The following PARP11 variants were observed in gnomAD, a reference collection of about 807,000 sequenced individuals.
The protein encoded by PARP11 is poly(ADP-ribose) polymerase family member 11.
PARP11 carries 31 observed loss-of-function variants against 42.9 expected under a neutral mutation model. The observed-to-expected ratio is 0.72, with a 90% confidence interval of 0.54 to 0.98. PARP11 has a LOEUF of 0.98. PARP11 is among the 50% of genes least tolerant of loss of function. The probability of loss-of-function intolerance (pLI) is 0.00; values close to 1 mark genes in which losing one functional copy is unlikely to be tolerated. For missense variants in PARP11, 365 were observed against 413.1 expected (o/e 0.88, Z 1.01); for synonymous variants, 137 against 127.3 (o/e 1.08, Z -0.51).
At chr12:3,863,222 C>T (rs1191745277) in intron 1 of PARP11, among the ~76,000 whole-genome samples, 1 of 152,202 alleles carries the variant, frequency 6.6e-6, no homozygotes, top group East Asian at 1.9e-4. Flanking sequence ...CCATATCTAG[C>T]AACCTTATGA....
rs556970064 is a variant in PARP11, at chr12:3,832,052, T to C, written c.19-2034A>G. 4.5e-5 allele frequency: 25 copies of C among 556,614 alleles called. 1 individual carries two copies. In the South Asian group the frequency reaches 1.7e-3, roughly 38 times the overall value. The allele number at this position is 556,614 out of a possible 1,614,324, so 34.5% of individuals were successfully genotyped here. A position where few individuals can be genotyped will look rare whatever the true frequency, so the allele number is the denominator to read the frequency against. Reference sequence around the variant, plus strand: ...CTCTATTAGAAAAGAGAATAGAAAATAGGAAAGTTCCCTTTATACAGCATA... The same window carrying C: ...CTCTATTAGAAAAGAGAATAGAAAACAGGAAAGTTCCCTTTATACAGCATA... On this transcript the variant is annotated intron_variant, in intron 1 of 7. Transcript: ENST00000228820.
chr12:3,823,071 C>A (rs1177873401), intron 4 of PARP11, among the ~76,000 whole-genome samples: 1 of 152,140 alleles, frequency 6.6e-6, no homozygotes, highest in Non-Finnish European at 1.5e-5. Flanking sequence ...GATTTAATAG[C>A]AAAAGGCTGA....
intron 1 of PARP11, among the ~76,000 whole-genome samples, chr12:3,850,861 T>C (rs1210575708): frequency 6.6e-6 from 1 of 152,196 alleles, no homozygotes; most frequent in Non-Finnish European, 1.5e-5. Flanking sequence ...ACTATATATA[T>C]GATCTGAAGA....
chr12:3,812,132 G>A lies in PARP11; in HGVS notation c.1008C>T (p.Asp336=). 6.3e-7 allele frequency: 1 copy of A among 1,591,798 alleles called. No individual in the cohort carries two copies. Among genetic ancestry groups the A allele is most frequent in the Non-Finnish European group, 8.6e-7 (1 of 1,168,946 alleles). ...ANQIYPEYLI[D]FH ...AGATTTGGAAGTGAAATCAATGAAA[G>A]TCTATCAAGTACTCAGGATAGATTT... The change falls in exon 8 of 8, where the codon GAC becomes GAT. Residue 336 remains aspartate (D), a synonymous_variant. Transcript: ENST00000228820.
At chr12:3,836,093 A>G (rs374572150) in intron 1 of PARP11, among the ~76,000 whole-genome samples, 1 of 152,026 alleles carries the variant, frequency 6.6e-6, no homozygotes, top group East Asian at 1.9e-4. Flanking sequence ...ATATAAATCT[A>G]CACATCCAAG....
chr12:3,858,918 C>T (rs910720062), intron 1 of PARP11, among the ~76,000 whole-genome samples: 2 of 151,284 alleles, frequency 1.3e-5, no homozygotes, highest in Non-Finnish European at 2.9e-5. Flanking sequence ...GGTGAAACTC[C>T]ATCTCTATTT....
rs1181966420 is a variant in PARP11, at chr12:3,812,210, G to A, written c.930C>T (p.Ser310=). 6.2e-7 allele frequency: 1 copy of A among 1,614,078 alleles called. No individual in the cohort carries two copies. The highest frequency in any genetic ancestry group is 8.5e-7 in the Non-Finnish European group (1 of 1,179,978). The change falls in exon 8 of 8, where the codon AGC becomes AGT. Residue 310 remains serine (S), a synonymous_variant. Coordinates refer to ENST00000228820, the MANE Select transcript of PARP11 (RefSeq NM_020367.6). ...KDGSYVNLYD[S]CVDDTWNPKI... ...TTGGGTTCCAGGTATCATCCACACA[G>A]CTGTCATATAAATTCACATAGCTCC...
At chr12:3,816,474 C>G (rs903647721) in intron 6 of PARP11, among the ~76,000 whole-genome samples, 1 of 152,228 alleles carries the variant, frequency 6.6e-6, no homozygotes, top group Non-Finnish European at 1.5e-5. Context: ...GCACATATTT[C>G]TCCATCTTGT....
At chr12:3,819,689 C>G (rs990296369) in intron 6 of PARP11, among the ~76,000 whole-genome samples, 2 of 152,212 alleles carry the variant, frequency 1.3e-5, no homozygotes, top group African/African-American at 4.8e-5. Flanking sequence ...AGGAAAAAAT[C>G]CAAACCTCTT....
chr12:3,827,960 A>C (rs1047963037), intron 3 of PARP11, among the ~76,000 whole-genome samples: 3 of 152,252 alleles, frequency 2.0e-5, no homozygotes, highest in African/African-American at 7.2e-5. Context: ...AGCAATAAAT[A>C]GCTGAAACTA....
At chr12:3,822,188 C>A in intron 4 of PARP11, 31 bp from the exon 5 acceptor site, 1 of 1,545,642 alleles carries the variant, frequency 6.5e-7, no homozygotes, top group Non-Finnish European at 8.9e-7. Flanking sequence ...AACAAAATAT[C>A]AGAAGCCGAT....
At chr12:3,815,164 A>T (rs1947261247) in intron 6 of PARP11, 1 of 430,404 alleles carries the variant, frequency 2.3e-6, no homozygotes, top group Non-Finnish European at 4.7e-6. Context: ...AACATTTCAT[A>T]AAAATCATAT....
chr12:3,841,698 T>G (rs1006702930), intron 1 of PARP11: 3 of 1,613,412 alleles, frequency 1.9e-6, no homozygotes, highest in Non-Finnish European at 2.5e-6. Flanking sequence ...AGCCATCTTT[T>G]GGACCCAATC....
chr12:3,814,375 C>A (rs1947243685), intron 6 of PARP11, among the ~76,000 whole-genome samples, 187 bp from the exon 7 acceptor site: 1 of 152,156 alleles, frequency 6.6e-6, no homozygotes, highest in African/African-American at 2.4e-5. Flanking sequence ...TAAATCATCT[C>A]ATCAAAAATT....
chr12:3,814,122 A>C lies in PARP11; in HGVS notation c.615T>G (p.Gly205=), dbSNP rs748576855. 6.2e-7 allele frequency: 1 copy of C among 1,609,070 alleles called. No homozygotes were observed. The highest frequency in any genetic ancestry group is 1.7e-5 in the Admixed American group (1 of 59,702). Reference sequence around the variant, plus strand: ...TTGCTTCCACAAATTCACTGCTGGTACCATGAAACAGCATTTGTTCATTAA... The same window carrying C: ...TTGCTTCCACAAATTCACTGCTGGTCCCATGAAACAGCATTTGTTCATTAA... ...PQINEQMLFH[G]TSSEFVEAIC... Residue 205 remains glycine, a synonymous_variant, in exon 7 of 8, where the codon GGT becomes GGG. Transcript: ENST00000228820.
chr12:3,861,960 GCTT>G lies in PARP11; in HGVS notation c.18+11249_18+11251del, dbSNP rs1216934239. 3.5e-4 allele frequency among the ~76,000 whole-genome samples: 53 copies of G among 152,096 alleles called. No individual in the cohort carries two copies. The highest frequency in any genetic ancestry group is 5.9e-4 in the Non-Finnish European group (40 of 68,018). ...GAATGGCGTGAACCCAGGAGGCAGA[GCTT>G]GCAGTAGGATGAGATAGCACCACTG... is the stretch of plus-strand genomic sequence containing the variant. On this transcript the variant is annotated intron_variant, in intron 1 of 7. Transcript: ENST00000228820. The surrounding 1 kb of genome is among the most constrained non-coding windows in gnomAD (Gnocchi z 4.6).
intron 4 of PARP11, among the ~76,000 whole-genome samples, chr12:3,825,726 A>G (rs1440031837): frequency 6.6e-6 from 1 of 152,032 alleles, no homozygotes; most frequent in Non-Finnish European, 1.5e-5. Context: ...TTTTTAATTA[A>G]TTAGTTTATT....
intron 1 of PARP11, chr12:3,842,414 G>C (rs200502114): frequency 6.2e-7 from 1 of 1,609,248 alleles, no homozygotes. Context: ...AGCAGAAGTC[G>C]GGATGAAGGT....
At chr12:3,847,320 C>T (rs567995637) in intron 1 of PARP11, among the ~76,000 whole-genome samples, 75 of 152,204 alleles carry the variant, frequency 4.9e-4, no homozygotes, top group African/African-American at 1.8e-3. Flanking sequence ...CTCAATTCTA[C>T]GAGACAGCAT....
Sources: gnomAD v4.1 joint callset for allele counts (sites outside exome capture counted in the v4.1 genomes callset) on GRCh38, gnomAD v4.1.1 for gene constraint, Gnocchi (gnomAD v3.1) non-coding constraint, MANE v1.5 for transcripts, NCBI Gene and HGNC (gene_info 2026-07-23, HGNC 2026-07-21) for gene names.